The following AOAH variants were observed in gnomAD, a reference collection of about 807,000 sequenced individuals.
AOAH encodes acyloxyacyl hydrolase.
A neutral mutation model predicts 92.2 loss-of-function variants in AOAH; 64 were observed. That is an observed-to-expected ratio of 0.69 (90% CI 0.57 to 0.86). The LOEUF (loss-of-function observed/expected upper bound fraction) is 0.86, where lower values mean the gene tolerates loss of function less well. AOAH is among the 40% of genes least tolerant of loss of function. The pLI is 0.00. For missense variants in AOAH, 656 were observed against 694.6 expected (o/e 0.94, Z 0.62); for synonymous variants, 263 against 254.5 (o/e 1.03, Z -0.32).
chr7:36,633,319 A>G (rs1161084311), intron 5 of AOAH, among the ~76,000 whole-genome samples: 1 of 152,172 alleles, frequency 6.6e-6, no homozygotes, highest in African/African-American at 2.4e-5. Context: ...GGTGCCCACT[A>G]AGGCTTGACA....
chr7:36,713,947 G>A (rs1448156072), intron 1 of AOAH, among the ~76,000 whole-genome samples: 1 of 152,274 alleles, frequency 6.6e-6, no homozygotes, highest in East Asian at 1.9e-4. Flanking sequence ...ACATTCAAAA[G>A]CTAGCAGAAG....
chr7:36,590,186 G>A (rs139228431), intron 12 of AOAH, among the ~76,000 whole-genome samples: 18 of 152,052 alleles, frequency 1.2e-4, no homozygotes, highest in African/African-American at 4.1e-4. Context: ...TCAAACTCCT[G>A]GCCTCCAGTA....
chr7:36,621,764 T>G lies in AOAH; in HGVS notation c.599A>C (p.His200Pro). ...GTCATTACAGTCTCTCCCCCGCCAG[T>G]GATAGCCCCGCAGTGTCTGAAATTG... ...YSVFPTLRGYHWRGRDCNDSD... is the reference protein window; with the variant it reads ...YSVFPTLRGYPWRGRDCNDSD... Residue 200 changes from histidine (H) to proline (P), a missense_variant, in exon 8 of 21, where the codon CAC becomes CCC. Coordinates refer to ENST00000617537, the MANE Select transcript of AOAH (RefSeq NM_001637.4). 1 of 1,614,108 alleles carries G rather than the reference T, an allele frequency of 6.2e-7. No individual in the cohort carries two copies.
At chr7:36,620,446 G>A (rs531634910) in intron 9 of AOAH, among the ~76,000 whole-genome samples, 17 of 152,288 alleles carry the variant, frequency 1.1e-4, no homozygotes, top group Admixed American at 9.8e-4. Context: ...GACAGCATGT[G>A]GTTTGCTCCA....
At chr7:36,674,675 G>T (rs1322227500) in intron 2 of AOAH, among the ~76,000 whole-genome samples, 2 of 152,192 alleles carry the variant, frequency 1.3e-5, no homozygotes, top group Non-Finnish European at 2.9e-5. Flanking sequence ...TGAGTCTATT[G>T]TGGAGCCCTG....
intron 2 of AOAH, among the ~76,000 whole-genome samples, chr7:36,684,721 C>A (rs1172258989): frequency 6.6e-6 from 1 of 151,470 alleles, no homozygotes; most frequent in East Asian, 1.9e-4. Flanking sequence ...GAGTTAGAGA[C>A]CAGCCTTGGC....
chr7:36,707,433 G>A (rs1798492640), intron 1 of AOAH, among the ~76,000 whole-genome samples: 1 of 152,100 alleles, frequency 6.6e-6, no homozygotes. Context: ...GAAAAAGTTT[G>A]AAATATCCTG....
chr7:36,653,218 T>C (rs1794686799), intron 4 of AOAH, among the ~76,000 whole-genome samples: 1 of 152,190 alleles, frequency 6.6e-6, no homozygotes. Context: ...TCAGGTTCTT[T>C]GGATTGTGCA....
At chr7:36,578,068 T>C (rs952533380) in intron 12 of AOAH, among the ~76,000 whole-genome samples, 8 of 152,228 alleles carry the variant, frequency 5.3e-5, no homozygotes, top group Non-Finnish European at 7.4e-5. Context: ...AAGACCAAGA[T>C]GCCTGAGCAA....
chr7:36,678,598 T>TGCGCGCGC (rs1416213163), intron 2 of AOAH, among the ~76,000 whole-genome samples: 9 of 127,316 alleles, frequency 7.1e-5, no homozygotes, highest in African/African-American at 2.5e-4. Flanking sequence ...TGTGTGTGTG[T>TGCGCGCGC]GTGCGCGCGC....
At chr7:36,611,231 G>C (rs1791430015) in intron 11 of AOAH, among the ~76,000 whole-genome samples, 1 of 152,118 alleles carries the variant, frequency 6.6e-6, no homozygotes. Context: ...CTTAAAACAG[G>C]TGACAAAATG....
At chr7:36,686,639 C>A in intron 2 of AOAH, 60 bp downstream of exon 2, 1 of 975,246 alleles carries the variant, frequency 1.0e-6, no homozygotes, top group South Asian at 2.4e-5. Context: ...AGGCAGTCAT[C>A]ATGACTCATG....
At chr7:36,720,491 C>T (rs541371822) in intron 1 of AOAH, among the ~76,000 whole-genome samples, 1 of 152,200 alleles carries the variant, frequency 6.6e-6, no homozygotes, top group East Asian at 1.9e-4. Context: ...AAGTTTTAAA[C>T]ACTCTTTTTG....
chr7:36,574,845 G>A lies in AOAH; in HGVS notation c.1021+1729C>T, dbSNP rs142100602. 6.8e-4 allele frequency among the ~76,000 whole-genome samples: 104 copies of A among 152,226 alleles called. 1 individual carries two copies. In the East Asian group the frequency reaches 0.018, roughly 27 times the overall value. ...TATATTTTCTACCAATCTTTCCTAC[G>A]TATACCTTTTTTTTCCCTTTCTTTG... is the stretch of plus-strand genomic sequence containing the variant. On this transcript the variant is annotated intron_variant, in intron 13 of 20. Coordinates refer to ENST00000617537, the MANE Select transcript of AOAH (RefSeq NM_001637.4).
intron 11 of AOAH, among the ~76,000 whole-genome samples, chr7:36,596,579 G>T (rs188575574): frequency 1.1e-4 from 16 of 152,166 alleles, no homozygotes; most frequent in Admixed American, 1.0e-3. Flanking sequence ...CAGGGGGAAG[G>T]CCGTGCAATG....
intron 3 of AOAH, among the ~76,000 whole-genome samples, chr7:36,670,610 G>A (rs1680545088): frequency 6.6e-6 from 1 of 152,120 alleles, no homozygotes; most frequent in Admixed American, 6.5e-5. Context: ...GAGTAGCTGG[G>A]ACTACAGGCG....
chr7:36,708,709 C>T lies in AOAH; in HGVS notation c.127+15313G>A, dbSNP rs939740994. Among the ~76,000 whole-genome samples, 6 of 152,178 alleles carry T rather than the reference C, an allele frequency of 3.9e-5. No individual in the cohort carries two copies. In the South Asian group the frequency reaches 1.2e-3, roughly 32 times the overall value. On this transcript the variant is annotated intron_variant, in intron 1 of 20. Transcript: ENST00000617537. The stretch of plus-strand genomic sequence containing the variant: ...TCTAAGAGTTGTTGTCTCTTCTTTT[C>T]TAGTAACTTTCTGGGCTTCAACTGT...
chr7:36,711,731 A>G (rs1437378183), intron 1 of AOAH, among the ~76,000 whole-genome samples: 8 of 152,160 alleles, frequency 5.3e-5, no homozygotes, highest in Non-Finnish European at 1.2e-4. Context: ...CTAGACCGCG[A>G]AGATCTGCCT....
chr7:36,524,736 ACT>A (rs1358906098), intron 19 of AOAH, among the ~76,000 whole-genome samples: 1 of 148,840 alleles, frequency 6.7e-6, no homozygotes, highest in Non-Finnish European at 1.5e-5. Flanking sequence ...GGGCTCGCTC[ACT>A]CTTTTTTTTT....
Sources: allele counts gnomAD v4.1 joint callset (sites outside exome capture counted in the v4.1 genomes callset), GRCh38; gene constraint gnomAD v4.1.1; transcripts MANE v1.5; gene names NCBI Gene and HGNC (gene_info 2026-07-23, HGNC 2026-07-21).